ZNF536: variants seen among roughly 807,000 people sequenced by gnomAD.
ZNF536 encodes zinc finger protein 536.
ZNF536 carries 13 observed loss-of-function variants against 84.5 expected under a neutral mutation model. That is an observed-to-expected ratio of 0.15 (90% CI 0.10 to 0.24). The LOEUF (loss-of-function observed/expected upper bound fraction) is 0.24. Among genes scored for constraint, ZNF536 ranks in the 10% least tolerant of loss-of-function variants. ZNF536 has a pLI of 1.00. For synonymous variants in ZNF536, 811 were observed against 742.5 expected, an observed-to-expected ratio of 1.09 and a Z score of -1.50; for missense variants, 1,536 against 1,747.5, an observed-to-expected ratio of 0.88 and a Z score of 2.16.
intron 3 of ZNF536, among the ~76,000 whole-genome samples, chr19:30,536,476 A>T (rs2045086839): frequency 6.6e-6 from 1 of 151,314 alleles, no homozygotes; most frequent in Non-Finnish European, 1.5e-5. Context: ...CTCCCACCAA[A>T]CAGAGTCTAA....
chr19:30,661,504 G>A (rs1390992768), intron 1 of ZNF536, among the ~76,000 whole-genome samples: 1 of 151,878 alleles, frequency 6.6e-6, no homozygotes, highest in East Asian at 1.9e-4. Flanking sequence ...CTTTTGGGGG[G>A]GCCAAATAAA....
chr19:30,506,697 G>A (rs1386979880), intron 2 of ZNF536, among the ~76,000 whole-genome samples: 1 of 152,168 alleles, frequency 6.6e-6, no homozygotes, highest in Non-Finnish European at 1.5e-5. Context: ...TTCTTTCCAA[G>A]GACGGTCTGC....
intron 2 of ZNF536, among the ~76,000 whole-genome samples, chr19:30,463,291 C>G (rs762476267): frequency 1.3e-5 from 2 of 152,166 alleles, no homozygotes; most frequent in Non-Finnish European, 2.9e-5. Flanking sequence ...CCAAAACCTT[C>G]GCTCATCACT....
intron 1 of ZNF536, among the ~76,000 whole-genome samples, chr19:30,708,783 T>C (rs772352485): frequency 1.1e-4 from 16 of 152,238 alleles, no homozygotes; most frequent in Admixed American, 2.0e-4. Context: ...GAAAGTGAGC[T>C]TCTGCTTCCA....
rs1432607996 is a variant in ZNF536, at chr19:30,412,841, C to T, written c.-2-30720C>T. On this transcript the variant is annotated intron_variant, in intron 1 of 4. Coordinates refer to ENST00000355537, the MANE Select transcript of ZNF536 (RefSeq NM_014717.3). ...TCTGTTTCTTTGAACTTCTGGTAAA[C>T]TATGAACATAAAAGTGATGAGGCTT... Among the ~76,000 whole-genome samples the T allele has an allele frequency of 2.0e-5, 3 of 151,894 alleles. No homozygotes were observed. The East Asian group carries it at 5.8e-4, about 29-fold the overall frequency.
intron 1 of ZNF536, among the ~76,000 whole-genome samples, chr19:30,701,769 G>A (rs1416139200): frequency 1.3e-5 from 2 of 152,224 alleles, no homozygotes; most frequent in South Asian, 2.1e-4. Context: ...AGTTCCATAC[G>A]TGTGACTTTG....
intron 2 of ZNF536, among the ~76,000 whole-genome samples, chr19:30,520,566 G>A (rs1046590723): frequency 6.6e-6 from 1 of 152,096 alleles, no homozygotes; most frequent in Non-Finnish European, 1.5e-5. Flanking sequence ...TTCTGGGTTA[G>A]ACAATGTGGG....
At chr19:30,499,576 A>G (rs963229244) in intron 2 of ZNF536, among the ~76,000 whole-genome samples, 1 of 152,214 alleles carries the variant, frequency 6.6e-6, no homozygotes, top group Non-Finnish European at 1.5e-5. Context: ...TCATAATTTT[A>G]AAATAATATG....
At chr19:30,628,623 G>A (rs1286191274) in intron 1 of ZNF536, among the ~76,000 whole-genome samples, 1 of 151,912 alleles carries the variant, frequency 6.6e-6, no homozygotes, top group East Asian at 1.9e-4. Flanking sequence ...TAGAGTCGGG[G>A]TTTCACCATG....
intron 1 of ZNF536, among the ~76,000 whole-genome samples, chr19:30,258,475 C>T (rs2025025200): frequency 1.3e-5 from 2 of 152,132 alleles, no homozygotes; most frequent in African/African-American, 4.8e-5. Context: ...TTTCCTGTTT[C>T]ATAGATAGTT....
intron 2 of ZNF536, among the ~76,000 whole-genome samples, chr19:30,477,221 T>C (rs540713458): frequency 1.3e-5 from 2 of 152,320 alleles, no homozygotes; most frequent in East Asian, 3.9e-4. Context: ...TTTAACTATT[T>C]GGTATTCTTT....
chr19:30,289,273 GAAAT>G (rs2045750841), intron 2 of ZNF536, among the ~76,000 whole-genome samples: 1 of 152,226 alleles, frequency 6.6e-6, no homozygotes, highest in Non-Finnish European at 1.5e-5. Context: ...AGCTTCCACT[GAAAT>G]TTAATGTTTT....
intron 1 of ZNF536, among the ~76,000 whole-genome samples, chr19:30,569,516 CTCCTCAG>C (rs1293340841): frequency 6.7e-6 from 1 of 148,674 alleles, no homozygotes; most frequent in African/African-American, 2.5e-5. Context: ...GGAAGCCAAC[CTCCTCAG>C]GGAGCTTGAG....
At chr19:30,707,278 A>C (rs2052281086) in intron 1 of ZNF536, among the ~76,000 whole-genome samples, 1 of 152,106 alleles carries the variant, frequency 6.6e-6, no homozygotes, top group Non-Finnish European at 1.5e-5. Context: ...TTGGCATCCT[A>C]ATTCCATCCT....
intron 1 of ZNF536, among the ~76,000 whole-genome samples, chr19:30,248,574 G>A: frequency 6.6e-6 from 1 of 152,000 alleles, no homozygotes; most frequent in East Asian, 1.9e-4. Context: ...TGGTGAAGTT[G>A]GGGAGATGTT....
chr19:30,476,162 C>T (rs4355038), intron 2 of ZNF536, among the ~76,000 whole-genome samples: 22,135 of 152,066 alleles, frequency 0.15, 2,211 homozygotes, highest in African/African-American at 0.28. Context: ...GGGGTTAGGG[C>T]TGGGGACTGG....
chr19:30,599,819 C>T (rs17542372), intron 1 of ZNF536, among the ~76,000 whole-genome samples: 69,617 of 152,076 alleles, frequency 0.46, 17,456 homozygotes, highest in South Asian at 0.58. Context: ...GCATCTTGCC[C>T]TATTCATGGA....
intron 1 of ZNF536, among the ~76,000 whole-genome samples, chr19:30,697,954 T>A (rs1308216896): frequency 1.3e-5 from 2 of 152,240 alleles, no homozygotes; most frequent in African/African-American, 4.8e-5. Flanking sequence ...AAATAAACTT[T>A]CAAAATAAAC....
chr19:30,347,106 G>A (rs1025653454), intron 2 of ZNF536, among the ~76,000 whole-genome samples: 1 of 97,870 alleles, frequency 1.0e-5, no homozygotes, highest in Non-Finnish European at 1.8e-5. Context: ...ATGTTGAAGG[G>A]CTTTTTTTTT....
Sources: allele counts gnomAD v4.1 joint callset (sites outside exome capture counted in the v4.1 genomes callset), GRCh38; gene constraint gnomAD v4.1.1; transcripts MANE v1.5; gene names NCBI Gene and HGNC (gene_info 2026-07-23, HGNC 2026-07-21).